Variants in CSMD1 observed in about 807,000 individuals in gnomAD.
CSMD1 encodes CUB and sushi domain-containing protein 1.
CSMD1 carries 213 observed loss-of-function variants against 417.5 expected under a neutral mutation model. That is an observed-to-expected ratio of 0.51 (90% CI 0.46 to 0.57). The LOEUF is 0.57. Ranked by LOEUF, CSMD1 falls within the 20% of genes least tolerant of loss-of-function variation. The pLI, the probability that CSMD1 is intolerant of heterozygous loss-of-function variation, is 0.00. For missense variants in CSMD1, 6,923 were observed against 4,529.7 expected (o/e 1.53, Z -15.17); for synonymous variants, 2,862 against 1,736.8 (o/e 1.65, Z -16.11).
rs576747657 is a variant in CSMD1, at chr8:3,591,434, G to C, written c.1098-5174C>G. 2.0e-5 allele frequency among the ~76,000 whole-genome samples: 3 copies of C among 152,172 alleles called. No homozygotes were observed. The East Asian group carries it at 5.8e-4, about 29-fold the overall frequency. On this transcript the variant is annotated intron_variant, in intron 8 of 69. Coordinates refer to ENST00000635120, the MANE Select transcript of CSMD1 (RefSeq NM_033225.6). ...TGTAATACAAGCAATTTCTAAATAT[G>C]GTTCTCATAGAGCATAACTATTTGA...
At chr8:4,048,424 A>G (rs1157369421) in intron 3 of CSMD1, among the ~76,000 whole-genome samples, 1 of 152,224 alleles carries the variant, frequency 6.6e-6, no homozygotes, top group Non-Finnish European at 1.5e-5. Flanking sequence ...TCAATTTATG[A>G]ACATGAACTC....
At chr8:4,200,592 C>G (rs1041210814) in intron 3 of CSMD1, among the ~76,000 whole-genome samples, 2 of 152,140 alleles carry the variant, frequency 1.3e-5, no homozygotes, top group Non-Finnish European at 2.9e-5. Flanking sequence ...CCTGGAGGCT[C>G]ATGCCTGAAA....
In CSMD1 at chr8:4,637,431, C is replaced by A; in HGVS notation, c.213G>T (p.Gln71His). 6.2e-7 allele frequency: 1 copy of A among 1,613,854 alleles called. No homozygotes were observed. Among genetic ancestry groups the A allele is most frequent in the South Asian group, 1.1e-5 (1 of 91,072 alleles). ...IIITGERNRI[Q>H]LSFHTFALEE... ...CAAGAGCAAAGGTATGGAAGGACAA[C>A]TGTATCCTATTGCGCTCGCCCGTGA... The change falls in exon 2 of 70, where the codon CAG becomes CAT. Residue 71 changes from glutamine to histidine, a missense_variant. Physicochemically the swap from Gln to His is conservative, Grantham distance 24. Transcript: ENST00000635120.
intron 3 of CSMD1, among the ~76,000 whole-genome samples, chr8:4,116,072 C>G (rs376946548): frequency 1.3e-5 from 2 of 151,716 alleles, no homozygotes; most frequent in Non-Finnish European, 2.9e-5. Context: ...AATCTTGGCT[C>G]ACTGCAACCT....
Position 3,866,957 on chromosome 8 carries a change from T to G in CSMD1, c.819-112915A>C, listed in dbSNP as rs1805146759. Among the ~76,000 whole-genome samples, 4 of 152,336 alleles carry G rather than the reference T, an allele frequency of 2.6e-5. No homozygotes were observed. The South Asian group carries it at 8.3e-4, about 32-fold the overall frequency. On this transcript the variant is annotated intron_variant, in intron 5 of 69. Coordinates refer to ENST00000635120, the MANE Select transcript of CSMD1 (RefSeq NM_033225.6). The stretch of plus-strand genomic sequence containing the variant: ...TATGGATTTGTAAGTACCACCATTT[T>G]CATGAAAAACCATTTTGCTTATACC...
Position 3,428,334 on chromosome 8 carries a change from G to C in CSMD1, c.1562-18729C>G, listed in dbSNP as rs117259456. On this transcript the variant is annotated intron_variant, in intron 12 of 69. Coordinates refer to ENST00000635120, the MANE Select transcript of CSMD1 (RefSeq NM_033225.6). ...TCAGAGACGAATGGCCAGGCCTCAA[G>C]AGAAGCATAACTCTTGCAGCTTATG... Among the ~76,000 whole-genome samples the C allele has an allele frequency of 4.4e-4, 67 of 152,266 alleles. 3 individuals carry two copies. In the East Asian group the frequency reaches 0.012, roughly 26 times the overall value.
At chr8:3,307,554 A>T in intron 25 of CSMD1, 141 bp downstream of exon 25, 1 of 1,014,642 alleles carries the variant, frequency 9.9e-7, no homozygotes, top group Non-Finnish European at 1.4e-6. Context: ...TGAGCCAACA[A>T]AACTTTTAGC....
chr8:4,937,297 T>C lies in CSMD1; in HGVS notation c.85+57035A>G, dbSNP rs114339395. 6.7e-3 allele frequency among the ~76,000 whole-genome samples: 1,027 copies of C among 152,318 alleles called. 8 individuals are homozygous for C. Among genetic ancestry groups the C allele is most frequent in the African/African-American group, 0.024 (981 of 41,566 alleles). ...GTCCTATCTTCACTGGGGGATACCA[T>C]ATTCATGGACTCTACAAGTTACTTT... On this transcript the variant is annotated intron_variant, in intron 1 of 69. Coordinates refer to ENST00000635120, the MANE Select transcript of CSMD1 (RefSeq NM_033225.6).
rs772444063 is a variant in CSMD1, at chr8:2,942,476, G to T, written c.10531C>A (p.His3511Asn). The change falls in exon 69 of 70, where the codon CAC becomes AAC. Residue 3511 changes from histidine to asparagine, a missense_variant. His to Asn is a moderately conservative substitution (Grantham distance 68). Transcript: ENST00000635120. ...CAGATGGTGTTTCTGCAGTACCTGT[G>T]TTTGTAGAGGTAAAATGCAAACCCT... Reference protein sequence around the residue: ...LSGFAFYLYKHRTRPKVQYNG... With the variant: ...LSGFAFYLYKNRTRPKVQYNG... The T allele has an allele frequency of 2.5e-6, 4 of 1,612,532 alleles. No homozygotes were observed. Among genetic ancestry groups the T allele is most frequent in the Non-Finnish European group, 3.4e-6 (4 of 1,179,186 alleles).
intron 7 of CSMD1, among the ~76,000 whole-genome samples, chr8:3,662,633 T>G (rs1047512093): frequency 2.6e-5 from 4 of 152,318 alleles, no homozygotes; most frequent in African/African-American, 9.6e-5. Flanking sequence ...TCCAGAATGG[T>G]TGAATACACC....
chr8:3,686,041 G>A (rs1483995225), intron 7 of CSMD1, among the ~76,000 whole-genome samples: 3 of 151,700 alleles, frequency 2.0e-5, no homozygotes, highest in Admixed American at 2.0e-4. Context: ...ACCAACCAAT[G>A]CTCCTTGCCC....
chr8:3,204,235 G>C (rs2116745240), intron 31 of CSMD1, among the ~76,000 whole-genome samples: 1 of 152,220 alleles, frequency 6.6e-6, no homozygotes, highest in South Asian at 2.1e-4. Context: ...GACTTCTTTA[G>C]CTGAAAATTT....
chr8:4,180,969 A>G (rs1234547213), intron 3 of CSMD1, among the ~76,000 whole-genome samples: 2 of 152,174 alleles, frequency 1.3e-5, no homozygotes, highest in African/African-American at 2.4e-5. Flanking sequence ...TGATGCTGTG[A>G]TAATGGCTTA....
intron 1 of CSMD1, among the ~76,000 whole-genome samples, chr8:4,664,073 T>C (rs1804770718): frequency 1.3e-5 from 2 of 152,198 alleles, no homozygotes; most frequent in African/African-American, 2.4e-5. Flanking sequence ...GTGTGGGTTC[T>C]GTGTGTGCGT....
intron 5 of CSMD1, among the ~76,000 whole-genome samples, chr8:3,901,607 G>A (rs555306415): frequency 6.6e-6 from 1 of 152,324 alleles, no homozygotes; most frequent in East Asian, 1.9e-4. Context: ...TCTTTTGATA[G>A]TTTCTCTGAA....
chr8:3,054,574 T>C (rs1457899054), intron 49 of CSMD1, among the ~76,000 whole-genome samples: 2 of 152,208 alleles, frequency 1.3e-5, no homozygotes, highest in Non-Finnish European at 2.9e-5. Flanking sequence ...GCTGAAATTA[T>C]GCCAGTGCAC....
chr8:4,056,581 A>T (rs982398764), intron 3 of CSMD1, among the ~76,000 whole-genome samples: 2 of 151,882 alleles, frequency 1.3e-5, no homozygotes, highest in Non-Finnish European at 2.9e-5. Context: ...CATGTGCACA[A>T]TGTGCAGGTA....
intron 46 of CSMD1, among the ~76,000 whole-genome samples, chr8:3,098,052 G>C (rs746021693): frequency 1.3e-5 from 2 of 152,142 alleles, no homozygotes; most frequent in Non-Finnish European, 2.9e-5. Context: ...CAAAACACTA[G>C]AGTCTCCTAA....
intron 50 of CSMD1, among the ~76,000 whole-genome samples, chr8:3,031,433 GT>G (rs1810333558): frequency 6.6e-6 from 1 of 151,954 alleles, no homozygotes; most frequent in Non-Finnish European, 1.5e-5. Flanking sequence ...CCTGCACGTT[GT>G]GCACATGTAC....
Sources: gnomAD v4.1 joint callset for allele counts (sites outside exome capture counted in the v4.1 genomes callset) on GRCh38, gnomAD v4.1.1 for gene constraint, MANE v1.5 for transcripts, NCBI Gene and HGNC (gene_info 2026-07-23, HGNC 2026-07-21) for gene names.